Variants in CASP10 observed in about 807,000 individuals in gnomAD.
The protein encoded by CASP10 is caspase 10.
In CASP10, 41 loss-of-function variants were observed where a neutral mutation model predicts 48.5. The ratio of observed to expected loss-of-function variants is 0.85; its 90% CI spans 0.66 to 1.10. The LOEUF is 1.10. Among genes scored for constraint, CASP10 ranks in the 50% least tolerant of loss-of-function variants. The probability of loss-of-function intolerance (pLI) is 0.00; values close to 1 mark genes in which losing one functional copy is unlikely to be tolerated. For synonymous variants in CASP10, 232 were observed against 238.4 expected (o/e 0.97, Z 0.25); for missense variants, 614 against 614.5 (o/e 1.00, Z 0.01).
intron 3 of CASP10, among the ~76,000 whole-genome samples, chr2:201,189,819 C>A (rs1400930325): frequency 6.6e-6 from 1 of 151,958 alleles, no homozygotes; most frequent in Non-Finnish European, 1.5e-5. Flanking sequence ...GGCAACATGA[C>A]AAAACCCGGT....
chr2:201,222,737 G>A (rs920804525), downstream of CASP10, among the ~76,000 whole-genome samples: 1 of 152,100 alleles, frequency 6.6e-6, no homozygotes, highest in Non-Finnish European at 1.5e-5. Context: ...ATGCCCAGGC[G>A]GTGTAAAACA....
chr2:201,206,611 T>TATAC (rs1553581181), intron 7 of CASP10, among the ~76,000 whole-genome samples: 3 of 148,428 alleles, frequency 2.0e-5, no homozygotes, highest in African/African-American at 4.9e-5. Context: ...TATATATATA[T>TATAC]ACACACACTC....
At chr2:201,190,220 A>G (rs2126012396) in intron 3 of CASP10, among the ~76,000 whole-genome samples, 1 of 152,128 alleles carries the variant, frequency 6.6e-6, no homozygotes, top group South Asian at 2.1e-4. Context: ...CAAGACCACA[A>G]ACTCGATGCT....
At chr2:201,200,305 C>G in intron 5 of CASP10, 1 of 716,652 alleles carries the variant, frequency 1.4e-6, no homozygotes, top group Non-Finnish European at 2.3e-6. Context: ...GATTGAGCGT[C>G]TGCTGATGAT....
intron 7 of CASP10, 77 bp downstream of exon 7, chr2:201,206,050 AG>A (rs1945194299): frequency 1.2e-6 from 1 of 843,928 alleles, no homozygotes; most frequent in Non-Finnish European, 1.9e-6. Context: ...CGGTTTCTTT[AG>A]GGGCTCTCTC....
intron 9 of CASP10, chr2:201,228,898 A>C (rs772157315): frequency 1.9e-6 from 3 of 1,609,754 alleles, no homozygotes; most frequent in Non-Finnish European, 1.7e-6. Context: ...CCACTCAGTC[A>C]AAGTTCCCCT....
At position 201,221,343 on chromosome 2, in the gene CASP10, T is replaced by A; in HGVS notation, c.*3602T>A. 1.1e-6 allele frequency: 1 copy of A among 929,122 alleles called. No individual in the cohort carries two copies. The highest frequency in any genetic ancestry group is 1.3e-6 in the Non-Finnish European group (1 of 778,446). 57.6% of individuals were successfully genotyped at this position (929,122 alleles called of 1,614,324 possible). ...GCCCAAGCTAAGCCATCATATCCCT[T>A]GTGACCTGCACATATATATCCAGAT... On this transcript the variant is annotated 3_prime_UTR_variant, in exon 10 of 10. Coordinates refer to ENST00000286186, the MANE Select transcript of CASP10 (RefSeq NM_032977.4).
downstream of CASP10, among the ~76,000 whole-genome samples, chr2:201,224,606 A>G (rs564641724): frequency 1.1e-4 from 16 of 152,328 alleles, no homozygotes; most frequent in African/African-American, 3.1e-4. Flanking sequence ...TTCTGCATAC[A>G]TATTTCAGAC....
At chr2:201,184,942 C>T (rs1318142025) in intron 1 of CASP10, among the ~76,000 whole-genome samples, 4 of 152,136 alleles carry the variant, frequency 2.6e-5, no homozygotes, top group Non-Finnish European at 5.9e-5. Flanking sequence ...CTGATTTGAG[C>T]AACTCTTGTC....
downstream of CASP10, among the ~76,000 whole-genome samples, chr2:201,222,823 C>T (rs538383012): frequency 2.6e-5 from 4 of 152,174 alleles, no homozygotes; most frequent in South Asian, 8.3e-4. Context: ...AAATAGCAAC[C>T]CTTAATCAAT....
chr2:201,200,496 C>T (rs1284527960), intron 5 of CASP10: 9 of 1,598,336 alleles, frequency 5.6e-6, no homozygotes, highest in Non-Finnish European at 7.6e-6. Flanking sequence ...CGCCAGATGA[C>T]CTGTAGCTCC....
chr2:201,188,050 G>A (rs1053433519), intron 3 of CASP10, among the ~76,000 whole-genome samples: 8 of 152,130 alleles, frequency 5.3e-5, no homozygotes, highest in African/African-American at 1.4e-4. Context: ...GTGGGCAATC[G>A]TATGACTTCC....
chr2:201,204,152 C>T (rs1192986178), intron 6 of CASP10, among the ~76,000 whole-genome samples: 1 of 152,128 alleles, frequency 6.6e-6, no homozygotes, highest in Non-Finnish European at 1.5e-5. Flanking sequence ...TGGAGTGGTT[C>T]CAGATGTTGC....
chr2:201,185,921 C>A lies in CASP10; in HGVS notation c.144C>A (p.Pro48=). 1 of 1,614,106 alleles carries A rather than the reference C, an allele frequency of 6.2e-7. No homozygotes were observed. Among genetic ancestry groups the A allele is most frequent in the Non-Finnish European group, 8.5e-7 (1 of 1,180,018 alleles). Residue 48 remains proline (P), a synonymous_variant, in exon 2 of 10, where the codon CCC becomes CCA. Coordinates refer to ENST00000286186, the MANE Select transcript of CASP10 (RefSeq NM_032977.4). The part of the protein sequence containing the change: ...NLKFLCIGLV[P]NKKLEKSSSA... ...AGTTTCTCTGCATAGGATTGGTCCC[C>A]AACAAGAAGCTGGAGAAGTCCAGCT...
intron 3 of CASP10, among the ~76,000 whole-genome samples, chr2:201,189,226 G>C (rs772922053): frequency 1.3e-5 from 2 of 151,388 alleles, no homozygotes; most frequent in East Asian, 3.9e-4. Flanking sequence ...TGGTTACCCA[G>C]TGATACAGCT....
At chr2:201,199,767 A>G (rs759940602) in intron 5 of CASP10, among the ~76,000 whole-genome samples, 3 of 151,592 alleles carry the variant, frequency 2.0e-5, no homozygotes, top group Non-Finnish European at 4.4e-5. Flanking sequence ...TAGAGATGGC[A>G]TTTCACCATG....
At chr2:201,216,751 G>A (rs1945582375) in intron 9 of CASP10, among the ~76,000 whole-genome samples, 1 of 152,156 alleles carries the variant, frequency 6.6e-6, no homozygotes, top group Admixed American at 6.5e-5. Context: ...TGGGAAAACC[G>A]AGGCATGGAG....
chr2:201,200,245 C>T (rs993301484), intron 5 of CASP10, among the ~76,000 whole-genome samples: 5 of 152,216 alleles, frequency 3.3e-5, no homozygotes, highest in African/African-American at 1.2e-4. Context: ...GCTGGAGAGA[C>T]ATTTTAAGAT....
Position 201,203,837 on chromosome 2 carries a change from A to C in CASP10, c.721+71A>C. The stretch of plus-strand genomic sequence containing the variant: ...GGGATAGACATATTTGATATATACC[A>C]AGGAATTCAAGGTGACTTGGAAGAG... On this transcript the variant is annotated intron_variant, in intron 6 of 9. Coordinates refer to ENST00000286186, the MANE Select transcript of CASP10 (RefSeq NM_032977.4). The C allele has an allele frequency of 2.6e-6, 3 of 1,144,960 alleles. No homozygotes were observed. The East Asian group carries it at 7.0e-5, about 27-fold the overall frequency. 70.9% of individuals were successfully genotyped at this position (1,144,960 alleles called of 1,614,324 possible).
Sources: gnomAD v4.1 joint callset for allele counts (sites outside exome capture counted in the v4.1 genomes callset) on GRCh38, gnomAD v4.1.1 for gene constraint, MANE v1.5 for transcripts, NCBI Gene and HGNC (gene_info 2026-07-23, HGNC 2026-07-21) for gene names.